The following SLC4A10 variants were observed in gnomAD, a reference collection of about 807,000 sequenced individuals.
SLC4A10 encodes solute carrier family 4 member 10, also known as sodium-driven chloride bicarbonate exchanger.
A neutral mutation model predicts 137.7 loss-of-function variants in SLC4A10; 42 were observed. That is an observed-to-expected ratio of 0.30 (90% CI 0.24 to 0.39). The LOEUF is 0.39. SLC4A10 is among the 10% of genes least tolerant of loss of function. SLC4A10 has a pLI of 1.00. For synonymous variants in SLC4A10, 474 were observed against 464.1 expected, an observed-to-expected ratio of 1.02 and a Z score of -0.27; for missense variants, 925 against 1,355.0, an observed-to-expected ratio of 0.68 and a Z score of 4.98.
intron 16 of SLC4A10, among the ~76,000 whole-genome samples, chr2:161,944,655 T>C (rs1693391758): frequency 6.6e-6 from 1 of 151,656 alleles, no homozygotes; most frequent in Non-Finnish European, 1.5e-5. Flanking sequence ...GAGCAGAAAG[T>C]TTCATATTAT....
chr2:161,705,896 G>T (rs2043611330), intron 1 of SLC4A10, among the ~76,000 whole-genome samples: 1 of 151,366 alleles, frequency 6.6e-6, no homozygotes, highest in South Asian at 2.1e-4. Flanking sequence ...ATTTGTTAAG[G>T]CTTATTAGGG....
chr2:161,896,937 G>A (rs373829411), intron 11 of SLC4A10, among the ~76,000 whole-genome samples: 18 of 151,972 alleles, frequency 1.2e-4, no homozygotes, highest in South Asian at 2.1e-4. Flanking sequence ...AAGAGAAAGC[G>A]CATTACTGTC....
chr2:161,736,988 G>A (rs931923005), intron 1 of SLC4A10, among the ~76,000 whole-genome samples: 1 of 151,772 alleles, frequency 6.6e-6, no homozygotes, highest in Non-Finnish European at 1.5e-5. Context: ...AGCCTCCAGA[G>A]TAGTTGGAAT....
At chr2:161,847,271 GCACACACACACACATA>G (rs1361035399) in intron 4 of SLC4A10, among the ~76,000 whole-genome samples, 2 of 148,906 alleles carry the variant, frequency 1.3e-5, no homozygotes, top group Admixed American at 1.3e-4. Flanking sequence ...GCATAGAACT[GCACACACACACACATA>G]CACACACACA....
At chr2:161,947,961 C>T (rs1052814188) in intron 17 of SLC4A10, among the ~76,000 whole-genome samples, 18 of 152,174 alleles carry the variant, frequency 1.2e-4, no homozygotes, top group Admixed American at 1.1e-3. Flanking sequence ...TTCCTACTGA[C>T]GTTTTTGGAA....
intron 5 of SLC4A10, among the ~76,000 whole-genome samples, chr2:161,859,363 T>C (rs2060284218): frequency 6.6e-6 from 1 of 150,450 alleles, no homozygotes; most frequent in Non-Finnish European, 1.5e-5. Flanking sequence ...CGATCTCAGC[T>C]CACTGCAGCC....
At chr2:161,652,646 A>G (rs1466622628) in intron 1 of SLC4A10, among the ~76,000 whole-genome samples, 1 of 152,204 alleles carries the variant, frequency 6.6e-6, no homozygotes, top group Non-Finnish European at 1.5e-5. Context: ...TTAAATGTAA[A>G]ATACAGTCTT....
At chr2:161,770,561 C>T (rs1196639531) in intron 1 of SLC4A10, among the ~76,000 whole-genome samples, 1 of 151,896 alleles carries the variant, frequency 6.6e-6, no homozygotes, top group East Asian at 1.9e-4. Flanking sequence ...TTATTTTACC[C>T]TGCCATAGCA....
Position 161,876,300 on chromosome 2 carries a change from A to C in SLC4A10, c.948+2295A>C, listed in dbSNP as rs184171873. Among the ~76,000 whole-genome samples, 458 of 152,254 alleles carry C rather than the reference A, an allele frequency of 3.0e-3. 1 individual carries two copies. Among genetic ancestry groups the C allele is most frequent in the African/African-American group, 0.011 (437 of 41,552 alleles). On this transcript the variant is annotated intron_variant, in intron 8 of 26. Coordinates refer to ENST00000446997, the MANE Select transcript of SLC4A10 (RefSeq NM_001178015.2). Reference sequence around the variant, plus strand: ...TTCTTAGGGATGTAGTTCAACCTAGATTCTCTAGAGCTGCTTTACATATTT... The same window carrying C: ...TTCTTAGGGATGTAGTTCAACCTAGCTTCTCTAGAGCTGCTTTACATATTT...
chr2:161,693,617 A>G (rs1366063069), intron 1 of SLC4A10, among the ~76,000 whole-genome samples: 1 of 135,668 alleles, frequency 7.4e-6, no homozygotes, highest in African/African-American at 2.8e-5. Flanking sequence ...CATTTTCCCC[A>G]CCCTTCAGCC....
chr2:161,710,760 C>A (rs978740756), intron 1 of SLC4A10: 62 of 452,050 alleles, frequency 1.4e-4, no homozygotes, highest in African/African-American at 1.2e-3. Context: ...AGGTAAGCTG[C>A]CTATAAAAAC....
chr2:161,721,881 T>C (rs2045722180), intron 1 of SLC4A10, among the ~76,000 whole-genome samples: 1 of 152,254 alleles, frequency 6.6e-6, no homozygotes, highest in Admixed American at 6.5e-5. Flanking sequence ...GTTTTGTTTG[T>C]TCCTTTTCAT....
At chr2:161,647,988 A>C (rs919558264) in intron 1 of SLC4A10, among the ~76,000 whole-genome samples, 1 of 152,212 alleles carries the variant, frequency 6.6e-6, no homozygotes, top group Non-Finnish European at 1.5e-5. Context: ...GTGGTATAGC[A>C]TTCATGCATT....
At chr2:161,629,476 C>T (rs1265757497) in intron 1 of SLC4A10, among the ~76,000 whole-genome samples, 1 of 151,656 alleles carries the variant, frequency 6.6e-6, no homozygotes, top group Non-Finnish European at 1.5e-5. Context: ...CCCATATATC[C>T]CCTGCCCCTT....
At chr2:161,649,940 C>T (rs2036558501) in intron 1 of SLC4A10, among the ~76,000 whole-genome samples, 1 of 152,092 alleles carries the variant, frequency 6.6e-6, no homozygotes, top group South Asian at 2.1e-4. Flanking sequence ...CCCATATATT[C>T]TTTACTCAAT....
At chr2:161,695,556 A>G (rs571179127) in intron 1 of SLC4A10, among the ~76,000 whole-genome samples, 4 of 152,250 alleles carry the variant, frequency 2.6e-5, no homozygotes, top group Admixed American at 1.3e-4. Flanking sequence ...ACATATTTAT[A>G]ATCATTTATG....
intron 10 of SLC4A10, among the ~76,000 whole-genome samples, chr2:161,883,119 T>C (rs1575438305): frequency 6.6e-6 from 1 of 152,046 alleles, no homozygotes; most frequent in East Asian, 1.9e-4. Context: ...TTTACTTGGG[T>C]TCTCCAACAC....
chr2:161,875,348 A>G (rs2061397423), intron 8 of SLC4A10, among the ~76,000 whole-genome samples: 1 of 152,156 alleles, frequency 6.6e-6, no homozygotes, highest in South Asian at 2.1e-4. Flanking sequence ...TAATATACAG[A>G]TTCCAAAACC....
intron 1 of SLC4A10, among the ~76,000 whole-genome samples, chr2:161,715,505 C>T (rs1574519316): frequency 1.3e-5 from 2 of 152,054 alleles, no homozygotes; most frequent in East Asian, 1.9e-4. Context: ...TCTTCTCACA[C>T]ACCCCTCAGC....
Sources: allele counts gnomAD v4.1 joint callset (sites outside exome capture counted in the v4.1 genomes callset), GRCh38; gene constraint gnomAD v4.1.1; transcripts MANE v1.5; gene names NCBI Gene and HGNC (gene_info 2026-07-23, HGNC 2026-07-21).